Variants in CRISPLD1 observed in about 807,000 individuals in gnomAD.
CRISPLD1 encodes cysteine rich secretory protein LCCL domain containing 1.
CRISPLD1 carries 60 observed loss-of-function variants against 77.5 expected under a neutral mutation model. The ratio of observed to expected loss-of-function variants is 0.77; its 90% CI spans 0.63 to 0.96. The LOEUF is 0.96. CRISPLD1 is among the 40% of genes least tolerant of loss of function. The probability of loss-of-function intolerance (pLI) is 0.00; values close to 1 mark genes in which losing one functional copy is unlikely to be tolerated. For missense variants in CRISPLD1, 623 were observed against 615.8 expected, an observed-to-expected ratio of 1.01 and a Z score of -0.12; for synonymous variants, 195 against 200.1, an observed-to-expected ratio of 0.97 and a Z score of 0.22.
In CRISPLD1 at chr8:75,020,050, A is replaced by G. The variant is rs1271562165; in HGVS notation, c.1215A>G (p.Pro405=). The G allele has an allele frequency of 1.2e-6, 2 of 1,614,092 alleles. No homozygotes were observed. The part of the protein sequence containing the change: ...TCETTVEQLC[P]FHKPASHCPR... ...AAACAACTGTGGAACAGCTCTGTCC[A>G]TTTCATAAGCCTGCTTCACATTGCC... is the stretch of plus-strand genomic sequence containing the variant. The change falls in exon 12 of 15, where the codon CCA becomes CCG. Residue 405 remains proline, a synonymous_variant. Coordinates refer to ENST00000262207, the MANE Select transcript of CRISPLD1 (RefSeq NM_031461.6).
chr8:74,985,216 C>G (rs975234682), intron 1 of CRISPLD1, among the ~76,000 whole-genome samples: 1 of 151,986 alleles, frequency 6.6e-6, no homozygotes, highest in Non-Finnish European at 1.5e-5. Flanking sequence ...CTCAAGTTGC[C>G]GGGGAGCTGC....
intron 12 of CRISPLD1, among the ~76,000 whole-genome samples, chr8:75,021,039 C>A (rs942192371): frequency 6.6e-6 from 1 of 152,068 alleles, no homozygotes; most frequent in Non-Finnish European, 1.5e-5. Context: ...TCCATTAATG[C>A]AAATATCCAC....
intron 4 of CRISPLD1, among the ~76,000 whole-genome samples, chr8:75,013,660 C>G (rs1337937074): frequency 1.3e-5 from 2 of 152,014 alleles, no homozygotes; most frequent in African/African-American, 4.8e-5. Flanking sequence ...ATTTTCTGTT[C>G]CTTTGTCAGA....
intron 5 of CRISPLD1, 56 bp from the exon 6 acceptor site, chr8:75,014,756 G>T: frequency 8.8e-7 from 1 of 1,129,958 alleles, no homozygotes; most frequent in Non-Finnish European, 1.3e-6. Context: ...GTTTCACAAT[G>T]TTTTATAAAT....
At chr8:74,995,821 TATTA>T (rs1477071923) in intron 2 of CRISPLD1, among the ~76,000 whole-genome samples, 8 of 152,146 alleles carry the variant, frequency 5.3e-5, no homozygotes, top group Admixed American at 1.3e-4. Context: ...AAAATGGAAA[TATTA>T]ATTAATCATA....
rs561862125 is a variant in CRISPLD1 at position 75,014,356 on chromosome 8, A to G, written c.626+254A>G. On this transcript the variant is annotated intron_variant, in intron 5 of 14. Transcript: ENST00000262207. ...TTATGTCTTTGGTTTTACTCACTATACTATCCATAAATATTGAATAATTGT... is the reference window on the plus strand; with the variant it reads ...TTATGTCTTTGGTTTTACTCACTATGCTATCCATAAATATTGAATAATTGT... 1.4e-4 allele frequency among the ~76,000 whole-genome samples: 21 copies of G among 152,258 alleles called. No homozygotes were observed. The East Asian group carries it at 3.5e-3, about 25-fold the overall frequency.
chr8:75,029,255 T>C, intron 13 of CRISPLD1, 132 bp from the exon 14 acceptor site: 1 of 904,218 alleles, frequency 1.1e-6, no homozygotes, highest in African/African-American at 1.7e-5. Flanking sequence ...CAAAACCTCA[T>C]CCTGTAGCTG....
intron 12 of CRISPLD1, among the ~76,000 whole-genome samples, chr8:75,023,481 TA>T (rs1813175770): frequency 6.6e-6 from 1 of 152,214 alleles, no homozygotes; most frequent in African/African-American, 2.4e-5. Flanking sequence ...TTATTATATT[TA>T]AATGGTTCTG....
At chr8:75,018,883 C>T (rs1813084558) in intron 10 of CRISPLD1, among the ~76,000 whole-genome samples, 1 of 152,186 alleles carries the variant, frequency 6.6e-6, no homozygotes, top group African/African-American at 2.4e-5. Context: ...TGAGCCACCA[C>T]ACTTGGCCTG....
At chr8:75,031,697 A>T (rs1428872507) in intron 14 of CRISPLD1, among the ~76,000 whole-genome samples, 1 of 151,942 alleles carries the variant, frequency 6.6e-6, no homozygotes, top group African/African-American at 2.4e-5. Flanking sequence ...AAGAGTATTA[A>T]TCTGTATGAT....
intron 2 of CRISPLD1, among the ~76,000 whole-genome samples, chr8:74,987,649 A>T (rs1812516003): frequency 6.6e-6 from 1 of 152,204 alleles, no homozygotes; most frequent in Non-Finnish European, 1.5e-5. Flanking sequence ...CTTCTTGTAT[A>T]GTGTTTGTCT....
At chr8:75,015,036 T>G (rs973749909) in intron 6 of CRISPLD1, 124 bp downstream of exon 6, 3 of 472,914 alleles carry the variant, frequency 6.3e-6, no homozygotes, top group Admixed American at 8.6e-5. Context: ...AGAACTCTAT[T>G]TCAAATATTT....
rs1013051235 is a variant in CRISPLD1 at position 74,984,787 on chromosome 8, C to T, written c.-196C>T. On this transcript the variant is annotated 5_prime_UTR_variant, in exon 1 of 15. Coordinates refer to ENST00000262207, the MANE Select transcript of CRISPLD1 (RefSeq NM_031461.6). ...TTCCTGCAGTCAGCACCCACGTCGC[C>T]CCCGGACGCTCGGTGCTCAGGCCCT... 1 of 152,246 alleles carries T rather than the reference C, an allele frequency of 6.6e-6. No individual in the cohort carries two copies. The highest frequency in any genetic ancestry group is 1.5e-5 in the Non-Finnish European group (1 of 68,080). 9.4% of individuals were successfully genotyped at this position (152,246 alleles called of 1,614,324 possible). A position where few individuals can be genotyped will look rare whatever the true frequency, so the allele number is the denominator to read the frequency against.
chr8:75,022,637 G>T (rs1029626981), intron 12 of CRISPLD1, among the ~76,000 whole-genome samples: 22 of 151,608 alleles, frequency 1.5e-4, no homozygotes, highest in Non-Finnish European at 2.2e-4. Context: ...CATAAACTGG[G>T]TTATAATGAT....
In CRISPLD1 at chr8:75,029,409, C is replaced by T; in HGVS notation, c.1343C>T (p.Ala448Val). 5 of 1,613,156 alleles carry T rather than the reference C, an allele frequency of 3.1e-6. No homozygotes were observed. The highest frequency in any genetic ancestry group is 2.2e-5 in the South Asian group (2 of 91,008). ...YSDLSSICRA[A>V]VHAGVVRNHG... ...CAGCTGTCCAGTATCTGCAGAGCAGCAGTACATGCTGGAGTGGTTCGAAAT... is the reference window on the plus strand; with the variant it reads ...CAGCTGTCCAGTATCTGCAGAGCAGTAGTACATGCTGGAGTGGTTCGAAAT... The change falls in exon 14 of 15, where the codon GCA (alanine) becomes GTA (valine). Residue 448 changes from alanine to valine, a missense_variant. Physicochemically the swap from Ala to Val is moderately conservative, Grantham distance 64. Coordinates refer to ENST00000262207, the MANE Select transcript of CRISPLD1 (RefSeq NM_031461.6).
intron 2 of CRISPLD1, among the ~76,000 whole-genome samples, chr8:74,994,912 T>G (rs548945259): frequency 4.6e-5 from 7 of 152,220 alleles, no homozygotes; most frequent in Non-Finnish European, 8.8e-5. Context: ...TAGACCAGCT[T>G]TAGGTAGAGA....
intron 13 of CRISPLD1, 67 bp from the exon 14 acceptor site, chr8:75,029,320 G>C: frequency 6.6e-7 from 1 of 1,510,870 alleles, no homozygotes; most frequent in South Asian, 1.3e-5. Flanking sequence ...ATTAATAATA[G>C]AAGAATAGGC....
At position 75,032,150 on chromosome 8, in the gene CRISPLD1, A is replaced by G. The variant is rs377289538; in HGVS notation, c.1452-41A>G. On this transcript the variant is annotated intron_variant, in intron 14 of 14. Coordinates refer to ENST00000262207, the MANE Select transcript of CRISPLD1 (RefSeq NM_031461.6). ...TTTGTAAGAAGGATTATGTATAGAG[A>G]TGACATCAATATACTTTTCATATAT... is the stretch of plus-strand genomic sequence containing the variant. 13 of 1,366,646 alleles carry G rather than the reference A, an allele frequency of 9.5e-6. No homozygotes were observed. In the African/African-American group the frequency reaches 1.9e-4, roughly 20 times the overall value. 84.7% of individuals were successfully genotyped at this position (1,366,646 alleles called of 1,614,324 possible).
chr8:75,014,728 A>G, intron 5 of CRISPLD1, 84 bp from the exon 6 acceptor site: 1 of 820,952 alleles, frequency 1.2e-6, no homozygotes, highest in Non-Finnish European at 1.9e-6. Flanking sequence ...ATTACTTAGA[A>G]TGTTCATATA....
Sources: allele counts gnomAD v4.1 joint callset (sites outside exome capture counted in the v4.1 genomes callset), GRCh38; gene constraint gnomAD v4.1.1; transcripts MANE v1.5; gene names NCBI Gene and HGNC (gene_info 2026-07-23, HGNC 2026-07-21).